Variants in TMEM70 observed in about 807,000 individuals in gnomAD.
TMEM70 encodes transmembrane protein 70.
In TMEM70, 15 loss-of-function variants were observed where a neutral mutation model predicts 20.5. The observed-to-expected ratio is 0.73, with a 90% CI of 0.49 to 1.13. The LOEUF (loss-of-function observed/expected upper bound fraction) is 1.13, where lower values mean the gene tolerates loss of function less well. Ranked by LOEUF, TMEM70 falls within the 50% of genes most tolerant of loss-of-function variation. TMEM70 has a pLI of 0.00. For missense variants in TMEM70, 344 were observed against 331.7 expected (o/e 1.04, Z -0.29); for synonymous variants, 141 against 134.2 (o/e 1.05, Z -0.35).
At chr8:73,978,706 T>A in intron 1 of TMEM70, 50 bp from the exon 2 acceptor site, 1 of 1,601,326 alleles carries the variant, frequency 6.2e-7, no homozygotes. Context: ...AAAAAAAACT[T>A]AAAAAAATTT....
chr8:73,978,580 C>T (rs1011047859), intron 1 of TMEM70, among the ~76,000 whole-genome samples, 176 bp from the exon 2 acceptor site: 1 of 151,446 alleles, frequency 6.6e-6, no homozygotes, highest in Non-Finnish European at 1.5e-5. Context: ...ATCCCAGCTA[C>T]TCAGGAGACT....
In TMEM70 at chr8:73,976,365, G is replaced by T. The variant is rs780673904; in HGVS notation, c.84G>T (p.Ala28=). Reference sequence around the variant, plus strand: ...GGACTGCATTGTGTGCGGCCGCCGCGCTCCGAGGTCCCCGGGCCTCTGTCT... The same window carrying T: ...GGACTGCATTGTGTGCGGCCGCCGCTCTCCGAGGTCCCCGGGCCTCTGTCT... ...GRRTALCAAA[A]LRGPRASVSR... Residue 28 remains alanine, a synonymous_variant, in exon 1 of 3, where the codon GCG becomes GCT. Coordinates refer to ENST00000312184, the MANE Select transcript of TMEM70 (RefSeq NM_017866.6). 3 of 1,598,320 alleles carry T rather than the reference G, an allele frequency of 1.9e-6. No individual in the cohort carries two copies. The highest frequency in any genetic ancestry group is 2.5e-6 in the Non-Finnish European group (3 of 1,179,114).
chr8:73,976,622 C>T lies in TMEM70; in HGVS notation c.210+131C>T, dbSNP rs12548461. 6.6e-5 allele frequency: 61 copies of T among 919,048 alleles called. 1 individual carries two copies. In the South Asian group the frequency reaches 1.1e-3, roughly 16 times the overall value. 56.9% of individuals were successfully genotyped at this position (919,048 alleles called of 1,614,324 possible). On this transcript the variant is annotated intron_variant, in intron 1 of 2. Coordinates refer to ENST00000312184, the MANE Select transcript of TMEM70 (RefSeq NM_017866.6). ...GGCTGGAGCGCGGGAGGAGCCCCCTCTGCGGGGCTTGCAGAAGTAGCAGGC... is the reference window on the plus strand; with the variant it reads ...GGCTGGAGCGCGGGAGGAGCCCCCTTTGCGGGGCTTGCAGAAGTAGCAGGC...
intron 1 of TMEM70, 117 bp from the exon 2 acceptor site, chr8:73,978,639 G>C: frequency 3.9e-6 from 4 of 1,033,452 alleles, no homozygotes; most frequent in Non-Finnish European, 4.3e-6. Flanking sequence ...GCAATGGTGA[G>C]CTGAGATCGC....
At chr8:73,976,566 C>A in intron 1 of TMEM70, 75 bp downstream of exon 1, 1 of 1,354,718 alleles carries the variant, frequency 7.4e-7, no homozygotes, top group Non-Finnish European at 9.7e-7. Flanking sequence ...GGAGCCCCAG[C>A]GGCTCTTCGC....
chr8:73,982,563 G>T lies in TMEM70; in HGVS notation c.*942G>T, dbSNP rs531849936. 327 of 504,232 alleles carry T rather than the reference G, an allele frequency of 6.5e-4. No homozygotes were observed. The highest frequency in any genetic ancestry group is 1.2e-3 in the Non-Finnish European group (309 of 258,318). 31.2% of individuals were successfully genotyped at this position (504,232 alleles called of 1,614,324 possible). A position where few individuals can be genotyped will look rare whatever the true frequency, so the allele number is the denominator to read the frequency against. On this transcript the variant is annotated 3_prime_UTR_variant, in exon 3 of 3. Coordinates refer to ENST00000312184, the MANE Select transcript of TMEM70 (RefSeq NM_017866.6). ...AAGAAATTCACAAATTATGGGAGCA[G>T]TTTTAAGTCTTCTTTGGTTCAGAAC...
intron 1 of TMEM70, 68 bp from the exon 2 acceptor site, chr8:73,978,686 CTG>C: frequency 6.6e-7 from 1 of 1,505,486 alleles, no homozygotes; most frequent in Admixed American, 1.8e-5. Flanking sequence ...GAGCAAGACT[CTG>C]TCTCAAAAAA....
Position 73,978,841 on chromosome 8 carries a change from A to T in TMEM70, c.296A>T (p.Asn99Ile), listed in dbSNP as rs763250012. The T allele has an allele frequency of 1.2e-6, 2 of 1,614,162 alleles. No individual in the cohort carries two copies. The highest frequency in any genetic ancestry group is 1.7e-6 in the Non-Finnish European group (2 of 1,180,000). ...SEDGRLIYTG[N>I]MARAVFGVKC... ...GATGGAAGGCTAATTTATACTGGCA[A>T]TATGGCCCGAGCAGTGTTTGGTAAG... Residue 99 changes from asparagine to isoleucine, a missense_variant, in exon 2 of 3, where the codon AAT becomes ATT. Coordinates refer to ENST00000312184, the MANE Select transcript of TMEM70 (RefSeq NM_017866.6).
intron 2 of TMEM70, chr8:73,979,275 C>G (rs571589847): frequency 5.0e-5 from 12 of 238,330 alleles, no homozygotes; most frequent in Non-Finnish European, 9.4e-5. Context: ...GTAACCCACC[C>G]ACCTCGGCCT....
intron 1 of TMEM70, among the ~76,000 whole-genome samples, chr8:73,978,084 A>G (rs1815696310): frequency 6.6e-6 from 1 of 152,092 alleles, no homozygotes; most frequent in African/African-American, 2.4e-5. Context: ...TCTTTTCATT[A>G]CAATTTTATT....
chr8:73,977,715 G>C (rs55900240), intron 1 of TMEM70, among the ~76,000 whole-genome samples: 37,448 of 151,928 alleles, frequency 0.25, 4,983 homozygotes, highest in South Asian at 0.3. Flanking sequence ...TGTTGCCCAG[G>C]CTGGCCTTAA....
chr8:73,977,499 C>T (rs1404017173), intron 1 of TMEM70, among the ~76,000 whole-genome samples: 1 of 152,044 alleles, frequency 6.6e-6, no homozygotes, highest in Non-Finnish European at 1.5e-5. Context: ...AATTTTATTT[C>T]TTGTCAAGAA....
chr8:73,982,138 A>C lies in TMEM70; in HGVS notation c.*517A>C, dbSNP rs752141545. On this transcript the variant is annotated 3_prime_UTR_variant, in exon 3 of 3. Transcript: ENST00000312184. The stretch of plus-strand genomic sequence containing the variant: ...CTTGCAGCAGCCATGGCTTTTAAAC[A>C]TACCAGAAAAACACCCGTGGAGTCA... The C allele has an allele frequency of 1.9e-6, 1 of 521,524 alleles. No individual in the cohort carries two copies. Among genetic ancestry groups the C allele is most frequent in the Non-Finnish European group, 3.8e-6 (1 of 262,524 alleles). The allele number at this position is 521,524 out of a possible 1,614,324, so 32.3% of individuals were successfully genotyped here.
At chr8:73,979,752 A>T (rs1815743699) in intron 2 of TMEM70, among the ~76,000 whole-genome samples, 1 of 151,088 alleles carries the variant, frequency 6.6e-6, no homozygotes, top group Non-Finnish European at 1.5e-5. Flanking sequence ...GACTACAGAC[A>T]TGTGCCACTA....
At position 73,981,020 on chromosome 8, in the gene TMEM70, A is replaced by G. The variant is rs1266345555; in HGVS notation, c.317-135A>G. ...CTTAAAACAGAGCTTAGAATATAAT[A>G]AGCACTGTATTTATGGTTTGATTTT... On this transcript the variant is annotated intron_variant, in intron 2 of 2. Coordinates refer to ENST00000312184, the MANE Select transcript of TMEM70 (RefSeq NM_017866.6). 4 of 735,860 alleles carry G rather than the reference A, an allele frequency of 5.4e-6. No homozygotes were observed. The East Asian group carries it at 1.1e-4, about 20-fold the overall frequency. The allele number at this position is 735,860 out of a possible 1,614,324, so 45.6% of individuals were successfully genotyped here.
chr8:73,978,882 G>T (rs1815719367), intron 2 of TMEM70, 21 bp downstream of exon 2: 1 of 1,612,830 alleles, frequency 6.2e-7, no homozygotes, highest in African/African-American at 1.3e-5. Flanking sequence ...GGAGGTGGGT[G>T]TACTTACTTT....
chr8:73,976,828 A>G (rs1051731528), intron 1 of TMEM70, among the ~76,000 whole-genome samples: 1 of 152,260 alleles, frequency 6.6e-6, no homozygotes, highest in African/African-American at 2.4e-5. Context: ...ACCTGGAAAT[A>G]GAACCGAAAG....
chr8:73,981,219 A>C lies in TMEM70; in HGVS notation c.381A>C (p.Thr127=). 1 of 1,614,182 alleles carries C rather than the reference A, an allele frequency of 6.2e-7. No individual in the cohort carries two copies. The highest frequency in any genetic ancestry group is 8.5e-7 in the Non-Finnish European group (1 of 1,180,040). ...TTACATTTCTGCCATACATTTTTAC[A>C]CAAAATAATGCTATTTCTGAAAGTG... ...IGLTFLPYIF[T]QNNAISESVP... is the part of the protein sequence containing the mutation. Residue 127 remains threonine (T), a synonymous_variant, in exon 3 of 3, where the codon ACA becomes ACC. Transcript: ENST00000312184.
rs768230052 is a variant in TMEM70, at chr8:73,981,660, T to G, written c.*39T>G. On this transcript the variant is annotated 3_prime_UTR_variant, in exon 3 of 3. Transcript: ENST00000312184. Reference sequence around the variant, plus strand: ...TGTTCGTGCTCAAATGTGATTTACGTTTTAATGTATAATAATAAAATTGCC... The same window carrying G: ...TGTTCGTGCTCAAATGTGATTTACGGTTTAATGTATAATAATAAAATTGCC... The G allele has an allele frequency of 8.6e-6, 12 of 1,397,056 alleles. No homozygotes were observed. 86.5% of individuals were successfully genotyped at this position (1,397,056 alleles called of 1,614,324 possible).
Sources: allele counts gnomAD v4.1 joint callset (sites outside exome capture counted in the v4.1 genomes callset), GRCh38; gene constraint gnomAD v4.1.1; transcripts MANE v1.5; gene names NCBI Gene and HGNC (gene_info 2026-07-23, HGNC 2026-07-21).